The following ADGRL3 variants were observed in gnomAD, a reference collection of about 807,000 sequenced individuals.
The protein encoded by ADGRL3 is calcium-independent alpha-latrotoxin receptor 3.
In ADGRL3, 62 loss-of-function variants were observed where a neutral mutation model predicts 153.5. The ratio of observed to expected loss-of-function variants is 0.40; its 90% CI spans 0.33 to 0.50. The LOEUF (loss-of-function observed/expected upper bound fraction) is 0.50, where lower values mean the gene tolerates loss of function less well. ADGRL3 is among the 20% of genes least tolerant of loss of function. The pLI is 0.47. For synonymous variants in ADGRL3, 710 were observed against 672.5 expected (o/e 1.06, Z -0.86); for missense variants, 1,641 against 1,859.4 (o/e 0.88, Z 2.16).
At chr4:61,793,717 C>T (rs540886922) in intron 8 of ADGRL3, among the ~76,000 whole-genome samples, 7 of 152,194 alleles carry the variant, frequency 4.6e-5, no homozygotes, top group South Asian at 2.1e-4. Flanking sequence ...AGACAGCTAC[C>T]GGATACTTCC....
At chr4:62,013,445 C>G (rs895577281) in intron 21 of ADGRL3, among the ~76,000 whole-genome samples, 3 of 151,296 alleles carry the variant, frequency 2.0e-5, no homozygotes, top group Admixed American at 2.0e-4. Context: ...AGGAGACTGA[C>G]GCAGGAGAAT....
intron 2 of ADGRL3, among the ~76,000 whole-genome samples, chr4:61,436,199 T>C (rs2097443394): frequency 6.6e-6 from 1 of 152,158 alleles, no homozygotes. Flanking sequence ...TAAGAGTCTC[T>C]TGTTGGGCAA....
intron 1 of ADGRL3, among the ~76,000 whole-genome samples, chr4:61,221,400 T>C (rs1033255822): frequency 1.4e-4 from 22 of 152,180 alleles, no homozygotes; most frequent in Non-Finnish European, 2.1e-4. Context: ...CGTAATATGA[T>C]GTCAATATTT....
At chr4:62,053,821 G>A (rs189611216) in intron 25 of ADGRL3, among the ~76,000 whole-genome samples, 65 of 151,560 alleles carry the variant, frequency 4.3e-4, no homozygotes, top group African/African-American at 1.4e-3. Flanking sequence ...CAGACCTTCT[G>A]CATGTAAGAT....
At chr4:61,715,966 A>AC (rs1287158120) in intron 6 of ADGRL3, among the ~76,000 whole-genome samples, 1 of 151,806 alleles carries the variant, frequency 6.6e-6, no homozygotes, top group Non-Finnish European at 1.5e-5. Context: ...AAAAAAAAAA[A>AC]AAAATCCTTT....
intron 21 of ADGRL3, among the ~76,000 whole-genome samples, chr4:62,007,395 C>CAT (rs112126943): frequency 0.25 from 18,520 of 74,960 alleles, 3,395 homozygotes; most frequent in Admixed American, 0.27. Context: ...CACACACACA[C>CAT]ATATATATAT....
intron 1 of ADGRL3, among the ~76,000 whole-genome samples, chr4:61,285,878 A>G (rs908246630): frequency 1.3e-5 from 2 of 151,770 alleles, no homozygotes; most frequent in Non-Finnish European, 3.0e-5. Flanking sequence ...TTTCTACTTT[A>G]CTTTTTTTTC....
At chr4:61,402,700 C>T (rs11945585) in intron 2 of ADGRL3, among the ~76,000 whole-genome samples, 3,583 of 152,132 alleles carry the variant, frequency 0.024, 161 homozygotes, top group African/African-American at 0.081. Context: ...AGAGAAGTCA[C>T]CCTTCTTCCC....
chr4:61,516,904 G>T (rs2098499139), intron 3 of ADGRL3, among the ~76,000 whole-genome samples: 1 of 152,074 alleles, frequency 6.6e-6, no homozygotes, highest in African/African-American at 2.4e-5. Context: ...TAAAAATTGA[G>T]TTTAGGAACC....
At chr4:61,956,387 G>GT (rs1553893267) in intron 17 of ADGRL3, among the ~76,000 whole-genome samples, 1 of 151,960 alleles carries the variant, frequency 6.6e-6, no homozygotes, top group Non-Finnish European at 1.5e-5. Context: ...GGGGTTGTTT[G>GT]TTTTTTTCTT....
At chr4:61,652,356 T>C (rs1466005111) in intron 5 of ADGRL3, among the ~76,000 whole-genome samples, 1 of 152,214 alleles carries the variant, frequency 6.6e-6, no homozygotes, top group Non-Finnish European at 1.5e-5. Context: ...AGATACATAT[T>C]ATTGTTGAAA....
intron 6 of ADGRL3, among the ~76,000 whole-genome samples, chr4:61,719,367 C>A (rs141519212): frequency 4.7e-4 from 72 of 152,252 alleles, no homozygotes; most frequent in Middle Eastern, 6.8e-3. Flanking sequence ...CCAATGGAAT[C>A]ATGCTACTGA....
chr4:61,631,934 AT>A (rs2150034466), intron 5 of ADGRL3, among the ~76,000 whole-genome samples: 1 of 152,116 alleles, frequency 6.6e-6, no homozygotes, highest in South Asian at 2.1e-4. Context: ...GCCGCTGAAT[AT>A]AATGTCAAAA....
intron 21 of ADGRL3, among the ~76,000 whole-genome samples, chr4:62,025,017 T>G (rs57566849): frequency 0.014 from 2,069 of 152,212 alleles, 49 homozygotes; most frequent in African/African-American, 0.047. Flanking sequence ...TAATATAATT[T>G]CAGGATGGTA....
intron 25 of ADGRL3, among the ~76,000 whole-genome samples, chr4:62,049,404 A>C (rs1732925027): frequency 6.6e-6 from 1 of 152,146 alleles, no homozygotes; most frequent in Non-Finnish European, 1.5e-5. Flanking sequence ...ATTTTTATGC[A>C]TAGAGATCTG....
intron 5 of ADGRL3, among the ~76,000 whole-genome samples, chr4:61,623,667 T>C (rs569385592): frequency 6.6e-6 from 1 of 152,306 alleles, no homozygotes; most frequent in South Asian, 2.1e-4. Context: ...AAGTATTTAC[T>C]ACATTCTTCA....
At chr4:61,205,596 A>G (rs1390785190) in intron 1 of ADGRL3, among the ~76,000 whole-genome samples, 1 of 152,192 alleles carries the variant, frequency 6.6e-6, no homozygotes, top group Non-Finnish European at 1.5e-5. Context: ...TTAGATTATT[A>G]TATTTATGTC....
chr4:61,645,131 T>C (rs2093907620), intron 5 of ADGRL3, among the ~76,000 whole-genome samples: 2 of 151,998 alleles, frequency 1.3e-5, no homozygotes, highest in African/African-American at 4.8e-5. Context: ...GTTTTCCATT[T>C]TTTTTGGTAG....
chr4:61,205,559 T>C (rs1204736347), intron 1 of ADGRL3, among the ~76,000 whole-genome samples: 13 of 152,224 alleles, frequency 8.5e-5, no homozygotes, highest in Admixed American at 8.5e-4. Flanking sequence ...AATTTATTAT[T>C]TGTTTGCCCA....
Sources: allele counts gnomAD v4.1 joint callset (sites outside exome capture counted in the v4.1 genomes callset), GRCh38; gene constraint gnomAD v4.1.1; transcripts MANE v1.5; gene names NCBI Gene and HGNC (gene_info 2026-07-23, HGNC 2026-07-21).